The following RIN3 variants were observed in gnomAD, a reference collection of about 807,000 sequenced individuals.
The protein encoded by RIN3 is Ras and Rab interactor 3.
Under a neutral mutation model 76.3 loss-of-function variants are expected in RIN3, and 54 were observed. That is an observed-to-expected ratio of 0.71 (90% CI 0.57 to 0.89). The LOEUF is 0.89. Among genes scored for constraint, RIN3 ranks in the 40% least tolerant of loss-of-function variants. RIN3 has a pLI of 0.00. For missense variants in RIN3, 1,256 were observed against 1,322.1 expected (o/e 0.95, Z 0.78); for synonymous variants, 576 against 564.0 (o/e 1.02, Z -0.30).
chr14:92,599,852 C>T (rs1341478857), intron 3 of RIN3, among the ~76,000 whole-genome samples: 1 of 152,284 alleles, frequency 6.6e-6, no homozygotes, highest in Non-Finnish European at 1.5e-5. Context: ...CATCTTGTCG[C>T]TAAAATGGGA....
chr14:92,554,635 A>G (rs1160557921), intron 1 of RIN3, among the ~76,000 whole-genome samples: 1 of 152,268 alleles, frequency 6.6e-6, no homozygotes, highest in Non-Finnish European at 1.5e-5. Flanking sequence ...TTAAAATATT[A>G]TCTTGCTGGG....
chr14:92,519,722 G>A (rs1336289301), intron 1 of RIN3, among the ~76,000 whole-genome samples: 1 of 152,222 alleles, frequency 6.6e-6, no homozygotes, highest in Non-Finnish European at 1.5e-5. Flanking sequence ...GTGCAGGTGG[G>A]GGCGGCAGTG....
At position 92,653,062 on chromosome 14, in the gene RIN3, CGAG is replaced by C. The variant is rs1329345372; in HGVS notation, c.2020_2022del (p.Glu674del). On this transcript the variant is annotated inframe_deletion, in exon 6 of 10. Transcript: ENST00000216487. ...CCCTGGTGGACCCCGCCCTGCACTC[CGAG>C]GAGGAGCTCGGTCAGTGCCCTGGGA... 4 of 1,602,322 alleles carry C rather than the reference CGAG, an allele frequency of 2.5e-6. No homozygotes were observed. The highest frequency in any genetic ancestry group is 3.4e-6 in the Non-Finnish European group (4 of 1,178,390).
intron 1 of RIN3, 127 bp from the exon 2 acceptor site, chr14:92,555,624 A>G: frequency 1.2e-6 from 1 of 855,650 alleles, no homozygotes; most frequent in East Asian, 2.6e-5. Flanking sequence ...ATTTTTTTTT[A>G]ATTCCCCAAA....
rs1887486006 is a variant in RIN3 at position 92,652,381 on chromosome 14, C to T, written c.1332C>T (p.His444=). Residue 444 remains histidine (H), a synonymous_variant, in exon 6 of 10, where the codon CAC becomes CAT. Transcript: ENST00000216487. This position sits in a 1 kb window ranked among gnomAD's most constrained non-coding sequence, Gnocchi z 6.4. The part of the protein sequence containing the change: ...QDTEVKASDP[H]SMPELPRTAK... The stretch of plus-strand genomic sequence containing the variant: ...CAGAGGTGAAAGCCAGCGATCCTCA[C>T]AGCATGCCAGAGCTGCCCAGGACAG... 1 of 1,610,648 alleles carries T rather than the reference C, an allele frequency of 6.2e-7. No individual in the cohort carries two copies. The highest frequency in any genetic ancestry group is 2.2e-5 in the East Asian group (1 of 44,832).
chr14:92,616,616 C>T (rs1024646204), intron 4 of RIN3, among the ~76,000 whole-genome samples: 5 of 152,028 alleles, frequency 3.3e-5, no homozygotes, highest in Admixed American at 6.5e-5. Flanking sequence ...TTCATGCTGG[C>T]TTGGGGTGTA....
At chr14:92,548,164 A>T (rs1897331726) in intron 1 of RIN3, among the ~76,000 whole-genome samples, 2 of 152,178 alleles carry the variant, frequency 1.3e-5, no homozygotes, top group Non-Finnish European at 2.9e-5. Flanking sequence ...GTTTGTGTGT[A>T]TTCCCAAGTG....
At chr14:92,632,888 G>T (rs1363558010) in intron 4 of RIN3, among the ~76,000 whole-genome samples, 1 of 152,226 alleles carries the variant, frequency 6.6e-6, no homozygotes, top group African/African-American at 2.4e-5. Context: ...CGCATAATGG[G>T]TGGGAGGTAA....
intron 1 of RIN3, among the ~76,000 whole-genome samples, chr14:92,538,325 A>G: frequency 6.6e-6 from 1 of 152,218 alleles, no homozygotes. Context: ...GAGGCTGAAC[A>G]TCCCAAATTG....
At chr14:92,660,779 G>A (rs1241986745) in intron 7 of RIN3, among the ~76,000 whole-genome samples, 1 of 152,196 alleles carries the variant, frequency 6.6e-6, no homozygotes, top group Non-Finnish European at 1.5e-5. Flanking sequence ...GAATCAGTGG[G>A]ACTATTTGTA....
At chr14:92,632,007 A>T (rs531582197) in intron 4 of RIN3, among the ~76,000 whole-genome samples, 43 of 152,256 alleles carry the variant, frequency 2.8e-4, no homozygotes, top group African/African-American at 1.0e-3. Context: ...GTGATTCAGG[A>T]CTTGCCCTCG....
chr14:92,637,079 G>A (rs1886803529), intron 4 of RIN3, among the ~76,000 whole-genome samples: 1 of 152,088 alleles, frequency 6.6e-6, no homozygotes, highest in Non-Finnish European at 1.5e-5. Context: ...CAGGGGTGGG[G>A]TGGGGATGGT....
intron 3 of RIN3, among the ~76,000 whole-genome samples, chr14:92,602,698 A>G (rs1366212060): frequency 6.6e-6 from 1 of 152,206 alleles, no homozygotes; most frequent in Non-Finnish European, 1.5e-5. Context: ...GAATTTACGC[A>G]AAGCCCAGTG....
chr14:92,518,484 G>A (rs900184383), intron 1 of RIN3, among the ~76,000 whole-genome samples: 1 of 152,206 alleles, frequency 6.6e-6, no homozygotes. Context: ...CCATTCCGCA[G>A]CAGCTGGTGA....
chr14:92,556,100 T>G, intron 2 of RIN3, 145 bp downstream of exon 2: 6 of 721,704 alleles, frequency 8.3e-6, no homozygotes, highest in Non-Finnish European at 1.4e-5. Context: ...TTGTCAGCTT[T>G]TGACCACAAT....
intron 3 of RIN3, among the ~76,000 whole-genome samples, chr14:92,589,574 T>TTCA (rs2140074871): frequency 6.6e-6 from 1 of 152,264 alleles, no homozygotes; most frequent in East Asian, 1.9e-4. Flanking sequence ...CCCCTTTGCT[T>TTCA]TCATCAGTTG....
chr14:92,579,242 CT>C (rs1898361055), intron 3 of RIN3, among the ~76,000 whole-genome samples: 1 of 152,226 alleles, frequency 6.6e-6, no homozygotes, highest in African/African-American at 2.4e-5. Flanking sequence ...GCCATAATTT[CT>C]AATCTTGTGG....
At chr14:92,633,091 T>C (rs752090751) in intron 4 of RIN3, among the ~76,000 whole-genome samples, 86 of 151,918 alleles carry the variant, frequency 5.7e-4, no homozygotes, top group Non-Finnish European at 9.7e-4. Flanking sequence ...TATGCGGAGG[T>C]GACTGCCCCA....
intron 1 of RIN3, among the ~76,000 whole-genome samples, chr14:92,529,396 G>A (rs536193121): frequency 5.9e-5 from 9 of 151,918 alleles, no homozygotes; most frequent in Admixed American, 1.3e-4. Context: ...TTACAGGCGC[G>A]TGCCACCACG....
Sources: gnomAD v4.1 joint callset for allele counts (sites outside exome capture counted in the v4.1 genomes callset) on GRCh38, gnomAD v4.1.1 for gene constraint, Gnocchi (gnomAD v3.1) non-coding constraint, MANE v1.5 for transcripts, NCBI Gene and HGNC (gene_info 2026-07-23, HGNC 2026-07-21) for gene names.